Variants in ARHGAP25 observed in about 807,000 individuals in gnomAD.
ARHGAP25 encodes rho GTPase-activating protein 25.
Under a neutral mutation model 71.0 loss-of-function variants are expected in ARHGAP25, and 34 were observed. That is an observed-to-expected ratio of 0.48 (90% CI 0.36 to 0.64). The LOEUF (loss-of-function observed/expected upper bound fraction) is 0.64. Among genes scored for constraint, ARHGAP25 ranks in the 30% least tolerant of loss-of-function variants. The pLI, the probability that ARHGAP25 is intolerant of heterozygous loss-of-function variation, is 0.00. For synonymous variants in ARHGAP25, 282 were observed against 296.5 expected, an observed-to-expected ratio of 0.95 and a Z score of 0.50; for missense variants, 706 against 805.1, an observed-to-expected ratio of 0.88 and a Z score of 1.49.
chr2:68,811,263 A>G (rs1397964126), intron 5 of ARHGAP25, among the ~76,000 whole-genome samples: 2 of 152,120 alleles, frequency 1.3e-5, no homozygotes, highest in African/African-American at 4.8e-5. Context: ...GACTGATTGG[A>G]TGGGGGTGAA....
In ARHGAP25 at chr2:68,822,696, ACT is replaced by A; in HGVS notation, c.1562_1563del (p.Ser521PhefsTer5). On this transcript the variant is annotated frameshift_variant, in exon 10 of 11. Transcript: ENST00000409202. LOFTEE classifies it high-confidence loss of function. ...PGSPGEEASALSSQACDSKGD... is the reference protein window; with the variant it reads ...PGSPGEEASAXSSQACDSKGD... ...GGTCCCCTGGGGAGGAAGCCAGTGC[ACT>A]CTCTTCCCAAGCCTGTGACTCCAAG... The A allele has an allele frequency of 6.2e-7, 1 of 1,613,902 alleles. No individual in the cohort carries two copies. Among genetic ancestry groups the A allele is most frequent in the Non-Finnish European group, 8.5e-7 (1 of 1,179,996 alleles).
intron 4 of ARHGAP25, among the ~76,000 whole-genome samples, chr2:68,799,061 G>A (rs1210097814): frequency 1.3e-5 from 2 of 152,218 alleles, no homozygotes; most frequent in African/African-American, 4.8e-5. Context: ...CATTGTCCAG[G>A]CAGAAAGGAC....
In ARHGAP25 at chr2:68,787,823, G is replaced by A; in HGVS notation, c.350-17G>A. ...TTATCACTCTAAGACCTTCACAAGT[G>A]CTAATTCTTCCTCCAGCCTCATGGG... On this transcript the variant is annotated splice_polypyrimidine_tract_variant and intron_variant, in intron 3 of 10. Coordinates refer to ENST00000409202, the MANE Select transcript of ARHGAP25 (RefSeq NM_001007231.3). 1.0e-5 allele frequency: 16 copies of A among 1,603,894 alleles called. No homozygotes were observed. Among genetic ancestry groups the A allele is most frequent in the Non-Finnish European group, 1.4e-5 (16 of 1,170,676 alleles).
At chr2:68,802,471 A>G (rs1680049506) in intron 4 of ARHGAP25, among the ~76,000 whole-genome samples, 1 of 150,606 alleles carries the variant, frequency 6.6e-6, no homozygotes, top group Non-Finnish European at 1.5e-5. Flanking sequence ...AGTGTTGCGG[A>G]TAATTCTAAT....
chr2:68,729,766 A>C (rs544465315), intron 2 of ARHGAP25, among the ~76,000 whole-genome samples: 1 of 152,312 alleles, frequency 6.6e-6, no homozygotes, highest in South Asian at 2.1e-4. Flanking sequence ...TTGATACATA[A>C]TTCACATACC....
chr2:68,770,680 C>T (rs1420415880), intron 1 of ARHGAP25, among the ~76,000 whole-genome samples: 1 of 152,170 alleles, frequency 6.6e-6, no homozygotes, highest in African/African-American at 2.4e-5. Flanking sequence ...CTTTCCTTTC[C>T]AGTACTCTCT....
intron 2 of ARHGAP25, 56 bp from the exon 3 acceptor site, chr2:68,782,177 T>C: frequency 6.6e-7 from 1 of 1,505,540 alleles, no homozygotes; most frequent in Non-Finnish European, 9.2e-7. Context: ...TCCAACCCAA[T>C]TTTAGTTTAT....
At position 68,792,523 on chromosome 2, in the gene ARHGAP25, G is replaced by A. The variant is rs978010875; in HGVS notation, c.466+4567G>A. Among the ~76,000 whole-genome samples, 6 of 152,150 alleles carry A rather than the reference G, an allele frequency of 3.9e-5. No individual in the cohort carries two copies. In the East Asian group the frequency reaches 1.2e-3, roughly 29 times the overall value. On this transcript the variant is annotated intron_variant, in intron 4 of 10. Coordinates refer to ENST00000409202, the MANE Select transcript of ARHGAP25 (RefSeq NM_001007231.3). Reference sequence around the variant, plus strand: ...GAACATGTGATATCTTTCTGTGTCTGCCTTGTTTCACTTAAAAATGGCTTC... The same window carrying A: ...GAACATGTGATATCTTTCTGTGTCTACCTTGTTTCACTTAAAAATGGCTTC...
chr2:68,822,732 T>G lies in ARHGAP25; in HGVS notation c.1593T>G (p.Thr531=). 7 of 1,614,170 alleles carry G rather than the reference T, an allele frequency of 4.3e-6. No homozygotes were observed. The highest frequency in any genetic ancestry group is 5.1e-6 in the Non-Finnish European group (6 of 1,180,034). Residue 531 remains threonine, a synonymous_variant, in exon 10 of 11, where the codon ACT becomes ACG. Coordinates refer to ENST00000409202, the MANE Select transcript of ARHGAP25 (RefSeq NM_001007231.3). ...SSQACDSKGD[T]LASPNSETGP... ...AAGCCTGTGACTCCAAGGGAGATAC[T>G]CTTGCCAGTCCAAACTCTGAAACTG...
chr2:68,766,616 G>A (rs533243561), intron 1 of ARHGAP25, among the ~76,000 whole-genome samples: 82 of 152,128 alleles, frequency 5.4e-4, no homozygotes, highest in Non-Finnish European at 1.8e-4. Context: ...ATTTGCTGGC[G>A]TGCAAAAAAA....
chr2:68,788,317 A>T (rs1678903268), intron 4 of ARHGAP25, among the ~76,000 whole-genome samples: 1 of 152,220 alleles, frequency 6.6e-6, no homozygotes, highest in Admixed American at 6.5e-5. Context: ...GACCCCGGGT[A>T]CCCAGCAGCA....
At chr2:68,769,483 C>T (rs1250512582) in intron 1 of ARHGAP25, among the ~76,000 whole-genome samples, 2 of 152,154 alleles carry the variant, frequency 1.3e-5, no homozygotes, top group South Asian at 2.1e-4. Context: ...AGCCTGTGCA[C>T]TTCTGCTACT....
intron 2 of ARHGAP25, among the ~76,000 whole-genome samples, chr2:68,725,829 C>T (rs1002163655): frequency 6.6e-6 from 1 of 152,122 alleles, no homozygotes; most frequent in Non-Finnish European, 1.5e-5. Context: ...AAGTGCTAGG[C>T]CTCCTCTCAC....
chr2:68,802,010 A>G (rs1349131747), intron 4 of ARHGAP25, among the ~76,000 whole-genome samples: 1 of 152,216 alleles, frequency 6.6e-6, no homozygotes, highest in Non-Finnish European at 1.5e-5. Flanking sequence ...GACTTTGTGA[A>G]TTCTGGTGGA....
chr2:68,761,603 G>A (rs1676825481), intron 1 of ARHGAP25, among the ~76,000 whole-genome samples: 1 of 152,032 alleles, frequency 6.6e-6, no homozygotes. Flanking sequence ...CTCCAAAGAA[G>A]ATATGCAAAT....
chr2:68,823,148 TAATTA>T (rs1186265383), intron 10 of ARHGAP25, among the ~76,000 whole-genome samples: 1 of 152,162 alleles, frequency 6.6e-6, no homozygotes, highest in African/African-American at 2.4e-5. Context: ...CAACATGCTT[TAATTA>T]ATTTAAAGGA....
intron 1 of ARHGAP25, among the ~76,000 whole-genome samples, chr2:68,748,662 GAAC>G (rs1217465872): frequency 6.6e-6 from 1 of 152,110 alleles, no homozygotes; most frequent in Non-Finnish European, 1.5e-5. Flanking sequence ...ATTAGTGATT[GAAC>G]AACAGTTTGG....
intron 5 of ARHGAP25, 64 bp downstream of exon 5, chr2:68,807,544 C>A: frequency 6.7e-7 from 1 of 1,497,024 alleles, no homozygotes; most frequent in Non-Finnish European, 9.3e-7. Flanking sequence ...GCTGGGAGGG[C>A]CTCTCCATTC....
intron 2 of ARHGAP25, among the ~76,000 whole-genome samples, chr2:68,777,468 T>C (rs1377846244): frequency 1.3e-5 from 2 of 152,216 alleles, no homozygotes; most frequent in African/African-American, 4.8e-5. Context: ...CATAAACTAA[T>C]GTCAAAGGGT....
Sources: gnomAD v4.1 joint callset for allele counts (sites outside exome capture counted in the v4.1 genomes callset) on GRCh38, gnomAD v4.1.1 for gene constraint, MANE v1.5 for transcripts, NCBI Gene and HGNC (gene_info 2026-07-23, HGNC 2026-07-21) for gene names.